Variants in LIN7A observed in about 807,000 individuals in gnomAD.
LIN7A encodes protein lin-7 homolog A.
A neutral mutation model predicts 29.8 loss-of-function variants in LIN7A; 25 were observed. The ratio of observed to expected loss-of-function variants is 0.84; its 90% CI spans 0.61 to 1.17. LIN7A has a LOEUF of 1.17. LIN7A is among the 50% of genes most tolerant of loss of function. LIN7A has a pLI of 0.00. For synonymous variants in LIN7A, 118 were observed against 107.5 expected (o/e 1.10, Z -0.60); for missense variants, 239 against 287.0 (o/e 0.83, Z 1.21).
At chr12:80,844,972 T>C (rs960993456) in intron 4 of LIN7A, among the ~76,000 whole-genome samples, 10 of 152,046 alleles carry the variant, frequency 6.6e-5, no homozygotes, top group Non-Finnish European at 1.0e-4. Flanking sequence ...GGCGCGATGG[T>C]TCACGCCTGT....
At chr12:80,856,240 T>C (rs1873591941) in intron 2 of LIN7A, among the ~76,000 whole-genome samples, 1 of 152,164 alleles carries the variant, frequency 6.6e-6, no homozygotes, top group African/African-American at 2.4e-5. Context: ...CTTTCTACAT[T>C]TCTCTGCAGC....
chr12:80,842,971 C>A (rs1872891330), intron 4 of LIN7A, among the ~76,000 whole-genome samples: 1 of 126,782 alleles, frequency 7.9e-6, no homozygotes, highest in Non-Finnish European at 1.8e-5. Context: ...CCAGCATTAG[C>A]ATTAGATTGG....
intron 1 of LIN7A, among the ~76,000 whole-genome samples, chr12:80,902,691 T>C (rs1024918543): frequency 6.6e-6 from 1 of 152,156 alleles, no homozygotes; most frequent in Non-Finnish European, 1.5e-5. Context: ...GAAAGGCTAC[T>C]GGTTTTTGTA....
chr12:80,916,707 G>C (rs1877046794), intron 1 of LIN7A, among the ~76,000 whole-genome samples: 2 of 152,148 alleles, frequency 1.3e-5, no homozygotes, highest in African/African-American at 4.8e-5. Context: ...CAGGTGCTTT[G>C]GAAGTAAAAG....
At chr12:80,926,482 C>T (rs1478197149) in intron 1 of LIN7A, among the ~76,000 whole-genome samples, 1 of 151,926 alleles carries the variant, frequency 6.6e-6, no homozygotes, top group Non-Finnish European at 1.5e-5. Flanking sequence ...GTTGTATTAC[C>T]TTAGCAAATT....
chr12:80,889,408 A>T, intron 1 of LIN7A, 39 bp from the exon 2 acceptor site: 1 of 1,246,272 alleles, frequency 8.0e-7, no homozygotes, highest in Non-Finnish European at 1.2e-6. Context: ...ACCTAGAATA[A>T]ATTGTATCTC....
chr12:80,847,576 T>C (rs1245698742), intron 3 of LIN7A, among the ~76,000 whole-genome samples: 5 of 152,184 alleles, frequency 3.3e-5, no homozygotes, highest in African/African-American at 1.2e-4. Context: ...TATTATAACA[T>C]TTGTGTGTTT....
At chr12:80,879,455 A>G (rs1002373149) in intron 2 of LIN7A, among the ~76,000 whole-genome samples, 1 of 152,140 alleles carries the variant, frequency 6.6e-6, no homozygotes, top group Non-Finnish European at 1.5e-5. Flanking sequence ...GTGAAAATTG[A>G]TGACCTCTTT....
At chr12:80,932,624 T>G (rs1877976347) in intron 1 of LIN7A, among the ~76,000 whole-genome samples, 1 of 152,258 alleles carries the variant, frequency 6.6e-6, no homozygotes, top group African/African-American at 2.4e-5. Flanking sequence ...GTATTATTCC[T>G]TCATAAGCCA....
intron 1 of LIN7A, among the ~76,000 whole-genome samples, chr12:80,929,395 C>T (rs1465722063): frequency 6.6e-6 from 1 of 152,066 alleles, no homozygotes; most frequent in Admixed American, 6.5e-5. Context: ...TTTGTTATTC[C>T]TCCTAGCTTA....
intron 4 of LIN7A, among the ~76,000 whole-genome samples, chr12:80,836,234 T>C (rs10862197): frequency 0.39 from 59,947 of 152,020 alleles, 11,970 homozygotes; most frequent in Non-Finnish European, 0.41. Context: ...TTCTTTCAGC[T>C]GCTCCTACAT....
At chr12:80,862,791 A>G (rs1352018713) in intron 2 of LIN7A, among the ~76,000 whole-genome samples, 1 of 152,216 alleles carries the variant, frequency 6.6e-6, no homozygotes, top group South Asian at 2.1e-4. Flanking sequence ...TGTAACAGGA[A>G]GGCAGAGCAT....
intron 5 of LIN7A, among the ~76,000 whole-genome samples, chr12:80,806,990 T>C (rs1871022348): frequency 6.6e-6 from 1 of 151,956 alleles, no homozygotes; most frequent in Admixed American, 6.6e-5. Context: ...TAACATAGTT[T>C]GTATAATAAA....
Position 80,795,928 on chromosome 12 carries a change from T to C in LIN7A, c.*1799A>G, listed in dbSNP as rs1242707526. 1 of 152,182 alleles carries C rather than the reference T, an allele frequency of 6.6e-6. No individual in the cohort carries two copies. Among genetic ancestry groups the C allele is most frequent in the Non-Finnish European group, 1.5e-5 (1 of 68,110 alleles). The allele number at this position is 152,182 out of a possible 1,614,324, so 9.4% of individuals were successfully genotyped here. On this transcript the variant is annotated 3_prime_UTR_variant, in exon 6 of 6. Coordinates refer to ENST00000552864, the MANE Select transcript of LIN7A (RefSeq NM_004664.4). ...CACCCCCGTTCTCTCTAGTAAAAAA[T>C]GATATGTATTCAAGGATGGGAATCT...
chr12:80,839,703 T>G (rs1236902442), intron 4 of LIN7A, among the ~76,000 whole-genome samples: 1 of 152,232 alleles, frequency 6.6e-6, no homozygotes, highest in Non-Finnish European at 1.5e-5. Context: ...GTTCTAATTT[T>G]TATTTCATCT....
intron 4 of LIN7A, among the ~76,000 whole-genome samples, chr12:80,833,411 C>T (rs1872465442): frequency 5.9e-5 from 9 of 152,202 alleles, no homozygotes; most frequent in Admixed American, 5.9e-4. Context: ...CTCCAAATTG[C>T]CCCTCTTCCA....
chr12:80,901,337 G>A (rs982089246), intron 1 of LIN7A, among the ~76,000 whole-genome samples: 8 of 152,154 alleles, frequency 5.3e-5, no homozygotes, highest in East Asian at 3.9e-4. Context: ...AATTTAATTC[G>A]AAGTCTATGT....
intron 4 of LIN7A, among the ~76,000 whole-genome samples, chr12:80,845,188 G>A (rs1873008547): frequency 6.8e-6 from 1 of 147,688 alleles, no homozygotes; most frequent in South Asian, 2.1e-4. Flanking sequence ...AGTGAGCTGA[G>A]ATGGCACCAC....
chr12:80,910,550 C>T (rs552477371), intron 1 of LIN7A, among the ~76,000 whole-genome samples: 97 of 152,138 alleles, frequency 6.4e-4, no homozygotes, highest in African/African-American at 2.2e-3. Flanking sequence ...AGAGAGCTTT[C>T]TTTTATTTTT....
Sources: gnomAD v4.1 joint callset for allele counts (sites outside exome capture counted in the v4.1 genomes callset) on GRCh38, gnomAD v4.1.1 for gene constraint, MANE v1.5 for transcripts, NCBI Gene and HGNC (gene_info 2026-07-23, HGNC 2026-07-21) for gene names.